Variants in KAZN observed in about 807,000 individuals in gnomAD.
The protein encoded by KAZN is kazrin.
Under a neutral mutation model 87.4 loss-of-function variants are expected in KAZN, and 40 were observed. The ratio of observed to expected loss-of-function variants is 0.46; its 90% confidence interval spans 0.36 to 0.60. The LOEUF (loss-of-function observed/expected upper bound fraction) is 0.60, where lower values mean the gene tolerates loss of function less well. Among genes scored for constraint, KAZN ranks in the 20% least tolerant of loss-of-function variants. KAZN has a pLI of 0.00. For missense variants in KAZN, 898 were observed against 1,073.9 expected (o/e 0.84, Z 2.29); for synonymous variants, 466 against 458.3 (o/e 1.02, Z -0.22).
rs1250298496 is a variant in KAZN, at chr1:14,949,565, A to G, written c.227-11119A>G. Among the ~76,000 whole-genome samples the G allele has an allele frequency of 6.6e-6, 1 of 152,106 alleles. No homozygotes were observed. Among genetic ancestry groups the G allele is most frequent in the African/African-American group, 2.4e-5 (1 of 41,394 alleles). ...CCAGATGGTGTTTTTCGAGATTCAC[A>G]TTCCTCCTGGTGCCAGAAGCACCTG... On this transcript the variant is annotated intron_variant, in intron 1 of 14. Coordinates refer to ENST00000376030, the MANE Select transcript of KAZN (RefSeq NM_201628.3). The surrounding 1 kb of genome is among the most constrained non-coding windows in gnomAD (Gnocchi z 4.3).
rs56735304 is a variant in KAZN at position 14,482,895 on chromosome 1, C to T, written c.250-116088C>T. On this transcript the variant is annotated intron_variant, in intron 2 of 16. Coordinates refer to the KAZN transcript ENST00000636203. The stretch of plus-strand genomic sequence containing the variant: ...CATCCGACTGCCTGGACTTACATTA[C>T]TTACTAGCTGGGCAAGTATCCTTAG... Among the ~76,000 whole-genome samples, 276 of 152,314 alleles carry T rather than the reference C, an allele frequency of 1.8e-3. 2 individuals carry two copies. Among genetic ancestry groups the T allele is most frequent in the African/African-American group, 6.4e-3 (267 of 41,560 alleles).
chr1:14,702,217 C>T (rs149348458), intron 1 of KAZN, among the ~76,000 whole-genome samples: 13 of 152,226 alleles, frequency 8.5e-5, no homozygotes, highest in African/African-American at 1.7e-4. Flanking sequence ...GGCCCCATGG[C>T]CTGGGCAGCT....
chr1:14,382,208 A>C (rs1661424148), intron 2 of KAZN, among the ~76,000 whole-genome samples: 1 of 152,230 alleles, frequency 6.6e-6, no homozygotes, highest in Non-Finnish European at 1.5e-5. Context: ...GATTGGAACA[A>C]TCAATATTGC....
chr1:14,633,193 A>C (rs1679706590), intron 1 of KAZN, among the ~76,000 whole-genome samples: 1 of 152,206 alleles, frequency 6.6e-6, no homozygotes, highest in Non-Finnish European at 1.5e-5. Context: ...CTGGGATTAC[A>C]GGTGTGAGCC....
intron 1 of KAZN, among the ~76,000 whole-genome samples, chr1:14,699,118 C>G (rs767076299): frequency 6.6e-5 from 10 of 152,132 alleles, no homozygotes; most frequent in Non-Finnish European, 1.3e-4. Context: ...GAAACACAAA[C>G]CCCCAGGGAA....
At chr1:14,491,893 G>C (rs184059470) in intron 2 of KAZN, among the ~76,000 whole-genome samples, 1 of 152,142 alleles carries the variant, frequency 6.6e-6, no homozygotes, top group Admixed American at 6.5e-5. Flanking sequence ...AAATCTTTTT[G>C]CTTGTATTAT....
At chr1:14,368,610 T>C (rs1029210944) in intron 2 of KAZN, among the ~76,000 whole-genome samples, 10 of 152,308 alleles carry the variant, frequency 6.6e-5, no homozygotes, top group Admixed American at 6.5e-4. Context: ...TTTACATAGA[T>C]GGGTGTCACC....
intron 2 of KAZN, among the ~76,000 whole-genome samples, chr1:14,459,474 A>C (rs1667746077): frequency 6.6e-6 from 1 of 152,120 alleles, no homozygotes. Flanking sequence ...AGAGGATTTA[A>C]ATCAAAGATG....
At chr1:15,038,175 G>A (rs1194815581) in intron 3 of KAZN, among the ~76,000 whole-genome samples, 1 of 152,098 alleles carries the variant, frequency 6.6e-6, no homozygotes, top group Non-Finnish European at 1.5e-5. Flanking sequence ...GATTGCTTGA[G>A]CCAGGGAGGT....
Position 15,081,828 on chromosome 1 carries a change from G to T in KAZN, c.1223-12352G>T, listed in dbSNP as rs567404877. Among the ~76,000 whole-genome samples the T allele has an allele frequency of 7.9e-5, 12 of 152,254 alleles. No homozygotes were observed. Among genetic ancestry groups the T allele is most frequent in the African/African-American group, 2.6e-4 (11 of 41,542 alleles). On this transcript the variant is annotated intron_variant, in intron 8 of 14. Transcript: ENST00000376030. The surrounding 1 kb of genome is among the most constrained non-coding windows in gnomAD (Gnocchi z 4.1). ...GGGGTGAGAAGCTAAGGATGAAGCT[G>T]GCAAGGTCGGCCTGTGGGTCACAGC...
At chr1:14,113,243 A>G (rs529689446) in intron 1 of KAZN, among the ~76,000 whole-genome samples, 6 of 152,342 alleles carry the variant, frequency 3.9e-5, no homozygotes, top group Non-Finnish European at 5.9e-5. Flanking sequence ...CATAAAAGCC[A>G]TACAATCCCT....
intron 1 of KAZN, among the ~76,000 whole-genome samples, chr1:13,991,907 C>T (rs1453565197): frequency 6.6e-6 from 1 of 152,174 alleles, no homozygotes; most frequent in African/African-American, 2.4e-5. Flanking sequence ...CCCAACCCTC[C>T]GTGCCTTACA....
In KAZN at chr1:15,094,302, G is replaced by A. The variant is rs1476067868; in HGVS notation, c.1345G>A (p.Gly449Ser). The A allele has an allele frequency of 5.0e-6, 8 of 1,613,862 alleles. No homozygotes were observed. The highest frequency in any genetic ancestry group is 5.9e-6 in the Non-Finnish European group (7 of 1,179,880). ...RTTPMSHWKA[G>S]TVQAWLEVVM... ...CACCCCTATGTCCCACTGGAAGGCG[G>A]GCACCGTCCAGGCCTGGCTGGAGGT... Residue 449 changes from glycine to serine, a missense_variant, in exon 9 of 15, where the codon GGC becomes AGC. Transcript: ENST00000376030. The surrounding 1 kb of genome is among the most constrained non-coding windows in gnomAD (Gnocchi z 4.5).
intron 2 of KAZN, among the ~76,000 whole-genome samples, chr1:14,205,887 A>AAAAAAAAAAAAAAAAAAAC (rs1646731397): frequency 1.7e-5 from 1 of 58,362 alleles, no homozygotes. Flanking sequence ...ACTGTCTCAA[A>AAAAAAAAAAAAAAAAAAAC]AAAAAAAAAA....
intron 1 of KAZN, chr1:14,180,388 A>T: frequency 6.6e-7 from 1 of 1,525,782 alleles, no homozygotes; most frequent in South Asian, 1.2e-5. Flanking sequence ...TTTCTCTTTG[A>T]AAGTTACCAG....
intron 2 of KAZN, among the ~76,000 whole-genome samples, chr1:14,437,737 C>T (rs7526202): frequency 0.72 from 109,113 of 152,080 alleles, 40,132 homozygotes; most frequent in African/African-American, 0.87. Flanking sequence ...CTGAGAGCCG[C>T]GTGCAGTTGG....
At chr1:14,122,850 A>G (rs1644781567) in intron 1 of KAZN, among the ~76,000 whole-genome samples, 1 of 152,120 alleles carries the variant, frequency 6.6e-6, no homozygotes, top group Non-Finnish European at 1.5e-5. Context: ...ATGTACCTGT[A>G]TTATGTTCTA....
intron 1 of KAZN, among the ~76,000 whole-genome samples, chr1:14,026,294 C>G (rs183328269): frequency 2.0e-5 from 3 of 152,222 alleles, no homozygotes; most frequent in East Asian, 3.9e-4. Flanking sequence ...TGTAGGTGCT[C>G]AAGGACTACC....
chr1:14,278,910 G>A (rs965217914), intron 2 of KAZN, among the ~76,000 whole-genome samples: 1 of 137,368 alleles, frequency 7.3e-6, no homozygotes, highest in Non-Finnish European at 1.5e-5. Flanking sequence ...AGACCAAGAA[G>A]CTTCATCAAA....
Sources: allele counts gnomAD v4.1 joint callset (sites outside exome capture counted in the v4.1 genomes callset), GRCh38; gene constraint gnomAD v4.1.1; non-coding constraint Gnocchi (gnomAD v3.1); transcripts MANE v1.5; gene names NCBI Gene and HGNC (gene_info 2026-07-23, HGNC 2026-07-21).